SIN3A: variants seen among roughly 807,000 people sequenced by gnomAD.
SIN3A encodes the protein paired amphipathic helix protein Sin3a.
In SIN3A, 14 loss-of-function variants were observed where a neutral mutation model predicts 146.1. The observed-to-expected ratio is 0.10, with a 90% CI of 0.06 to 0.15. The LOEUF (loss-of-function observed/expected upper bound fraction) is 0.15. SIN3A is among the 10% of genes least tolerant of loss of function. The pLI, the probability that SIN3A is intolerant of heterozygous loss-of-function variation, is 1.00. For missense variants in SIN3A, 1,028 were observed against 1,576.0 expected, an observed-to-expected ratio of 0.65 and a Z score of 5.89; for synonymous variants, 572 against 572.0, an observed-to-expected ratio of 1.00 and a Z score of 0.00.
chr15:75,376,871 A>AAAAACAAAAC (rs1283876414), intron 19 of SIN3A, among the ~76,000 whole-genome samples: 40 of 151,398 alleles, frequency 2.6e-4, no homozygotes, highest in African/African-American at 9.2e-4. Flanking sequence ...AAAAAAAAAA[A>AAAAACAAAAC]AAAAAAAAAA....
chr15:75,389,306 A>G (rs1280217066), intron 16 of SIN3A, among the ~76,000 whole-genome samples: 1 of 151,020 alleles, frequency 6.6e-6, no homozygotes, highest in East Asian at 1.9e-4. Context: ...ATTTAAGGAA[A>G]AAAAAAAAAA....
chr15:75,374,262 G>A (rs943767821), intron 20 of SIN3A, among the ~76,000 whole-genome samples: 5 of 152,194 alleles, frequency 3.3e-5, no homozygotes, highest in African/African-American at 7.2e-5. Flanking sequence ...TTGGGAGGCT[G>A]AGGAGGGTGG....
chr15:75,373,871 T>G (rs191406298), intron 20 of SIN3A, among the ~76,000 whole-genome samples: 1 of 152,220 alleles, frequency 6.6e-6, no homozygotes, highest in Non-Finnish European at 1.5e-5. Flanking sequence ...TAGTTCCATT[T>G]TGGGGGAGTC....
At chr15:75,422,240 A>AT (rs1491260130) in intron 3 of SIN3A, 17 of 285,556 alleles carry the variant, frequency 6.0e-5, no homozygotes, top group African/African-American at 3.5e-4. Context: ...AAAAAAAAAA[A>AT]TTTTTAAGAA....
At chr15:75,425,152 G>A (rs1210253854) in intron 2 of SIN3A, among the ~76,000 whole-genome samples, 1 of 152,146 alleles carries the variant, frequency 6.6e-6, no homozygotes, top group Non-Finnish European at 1.5e-5. Flanking sequence ...TGTGGTTACA[G>A]AATTAAAGAT....
At chr15:75,436,076 G>A (rs1287553909) in intron 1 of SIN3A, among the ~76,000 whole-genome samples, 1 of 151,830 alleles carries the variant, frequency 6.6e-6, no homozygotes, top group Non-Finnish European at 1.5e-5. Flanking sequence ...CAAGGTTGTA[G>A]TGAGCAGTGA....
chr15:75,414,356 C>A, intron 3 of SIN3A, 45 bp from the exon 4 acceptor site: 12 of 1,022,502 alleles, frequency 1.2e-5, no homozygotes, highest in Admixed American at 3.1e-5. Flanking sequence ...AAAGTAAGCT[C>A]ATAATTACAA....
chr15:75,439,648 A>G (rs2074167760), intron 1 of SIN3A, among the ~76,000 whole-genome samples: 1 of 151,380 alleles, frequency 6.6e-6, no homozygotes. Flanking sequence ...CCCGGCCATC[A>G]ATGCTTCTTT....
intron 1 of SIN3A, among the ~76,000 whole-genome samples, chr15:75,451,194 G>C (rs1253338555): frequency 1.3e-5 from 2 of 148,718 alleles, no homozygotes; most frequent in African/African-American, 5.0e-5. Flanking sequence ...GCGGCGGCGC[G>C]AGAGCCCGCC....
intron 1 of SIN3A, among the ~76,000 whole-genome samples, chr15:75,449,740 C>T (rs1265942352): frequency 6.6e-6 from 1 of 152,206 alleles, no homozygotes; most frequent in African/African-American, 2.4e-5. Context: ...AGACTTTTCA[C>T]CTATAGTTAC....
At chr15:75,445,931 T>C (rs2074299445) in intron 1 of SIN3A, among the ~76,000 whole-genome samples, 1 of 152,140 alleles carries the variant, frequency 6.6e-6, no homozygotes, top group South Asian at 2.1e-4. Flanking sequence ...TCTTTAACCA[T>C]CTATGTATCC....
At chr15:75,399,808 T>C (rs1281155004) in intron 12 of SIN3A, among the ~76,000 whole-genome samples, 3 of 152,222 alleles carry the variant, frequency 2.0e-5, no homozygotes, top group African/African-American at 7.2e-5. Flanking sequence ...CAATGGACAA[T>C]TTCAGTTAAA....
Position 75,372,218 on chromosome 15 carries a change from CAGAA to C in SIN3A, c.3592-13_3592-10del, listed in dbSNP as rs766328993. 26 of 1,534,636 alleles carry C rather than the reference CAGAA, an allele frequency of 1.7e-5. No homozygotes were observed. In the Admixed American group the frequency reaches 5.7e-4, roughly 34 times the overall value. On this transcript the variant is annotated splice_polypyrimidine_tract_variant and intron_variant, in intron 20 of 20. Coordinates refer to ENST00000394947, the MANE Select transcript of SIN3A (RefSeq NM_001145358.2). Reference sequence around the variant, plus strand: ...CTTACACGCTCATGGGACTGCAAAACAGAAAAAAAAAATTTTATTAAATGAAGCA... The same window carrying C: ...CTTACACGCTCATGGGACTGCAAAACAAAAAAAATTTTATTAAATGAAGCA...
At chr15:75,411,785 T>C (rs767300507) in intron 5 of SIN3A, 42 bp from the exon 6 acceptor site, 4 of 1,527,120 alleles carry the variant, frequency 2.6e-6, no homozygotes, top group Non-Finnish European at 2.6e-6. Flanking sequence ...GATGCATAGA[T>C]GAGTTGATAC....
chr15:75,372,371 G>A (rs2072768946), intron 20 of SIN3A, among the ~76,000 whole-genome samples, 162 bp from the exon 21 acceptor site: 1 of 152,014 alleles, frequency 6.6e-6, no homozygotes, highest in African/African-American at 2.4e-5. Context: ...AGGATTCTCT[G>A]TTTAAAGAGA....
At position 75,375,903 on chromosome 15, in the gene SIN3A, C is replaced by T. The variant is rs375820448; in HGVS notation, c.3384-31G>A. The T allele has an allele frequency of 2.9e-5, 46 of 1,609,324 alleles. No individual in the cohort carries two copies. The African/African-American group carries it at 5.6e-4, about 20-fold the overall frequency. On this transcript the variant is annotated intron_variant, in intron 19 of 20. Coordinates refer to ENST00000394947, the MANE Select transcript of SIN3A (RefSeq NM_001145358.2). Reference sequence around the variant, plus strand: ...GCAGAAAAGCCCCGGAGGATGAGAGCTCGTCCAGATGCAGATTCCCGTGAC... The same window carrying T: ...GCAGAAAAGCCCCGGAGGATGAGAGTTCGTCCAGATGCAGATTCCCGTGAC...
chr15:75,409,957 G>T lies in SIN3A; in HGVS notation c.1196C>A (p.Ser399Tyr). The T allele has an allele frequency of 1.2e-6, 2 of 1,614,130 alleles. No individual in the cohort carries two copies. The highest frequency in any genetic ancestry group is 2.2e-5 in the South Asian group (2 of 91,078). Residue 399 changes from serine to tyrosine, a missense_variant, in exon 8 of 21, where the codon TCT (serine) becomes TAT (tyrosine). By Grantham distance (144) the Ser-to-Tyr change is moderately radical. Around this residue, in one of 9 missense-constraint regions of SIN3A, gnomAD observed 40 missense variants for 74.0 expected, o/e 0.54. Coordinates refer to ENST00000394947, the MANE Select transcript of SIN3A (RefSeq NM_001145358.2). ...LSKTTAEKVDSVRNDHGGTVK... is the reference protein window; with the variant it reads ...LSKTTAEKVDYVRNDHGGTVK... ...AGTGCCTCCATGATCATTTCTCACA[G>T]AATCAACCTTCTCAGCAGTTGTTTT...
Position 75,422,838 on chromosome 15 carries a change from A to G in SIN3A, c.190-15T>C. 1 of 1,603,670 alleles carries G rather than the reference A, an allele frequency of 6.2e-7. No homozygotes were observed. The highest frequency in any genetic ancestry group is 8.5e-7 in the Non-Finnish European group (1 of 1,171,638). The stretch of plus-strand genomic sequence containing the variant: ...ATGGCTGAAACCTGGGGTGAACAAA[A>G]TACAGACAGGAAACTTCAAGGCTTG... On this transcript the variant is annotated splice_polypyrimidine_tract_variant and intron_variant, in intron 2 of 20. Transcript: ENST00000394947.
intron 1 of SIN3A, among the ~76,000 whole-genome samples, chr15:75,444,996 G>GAGGC (rs571644263): frequency 3.3e-4 from 50 of 151,390 alleles, no homozygotes; most frequent in African/African-American, 1.2e-3. Context: ...TTGGGTGTCT[G>GAGGC]AGGCAGGTGG....
Sources: allele counts gnomAD v4.1 joint callset (sites outside exome capture counted in the v4.1 genomes callset), GRCh38; gene constraint gnomAD v4.1.1; regional missense constraint gnomAD v4.1.1; transcripts MANE v1.5; gene names NCBI Gene and HGNC (gene_info 2026-07-23, HGNC 2026-07-21).